MARCHF1: variants seen among roughly 807,000 people sequenced by gnomAD.
MARCHF1 encodes membrane associated ring-CH-type finger 1.
Under a neutral mutation model 54.2 loss-of-function variants are expected in MARCHF1, and 40 were observed. That is an observed-to-expected ratio of 0.74 (90% CI 0.57 to 0.96). The LOEUF is 0.96. Among genes scored for constraint, MARCHF1 ranks in the 40% least tolerant of loss-of-function variants. MARCHF1 has a pLI of 0.00. For missense variants in MARCHF1, 586 were observed against 656.5 expected, an observed-to-expected ratio of 0.89 and a Z score of 1.17; for synonymous variants, 236 against 236.3, an observed-to-expected ratio of 1.00 and a Z score of 0.01.
chr4:164,337,333 A>T (rs1315204128), intron 1 of MARCHF1, among the ~76,000 whole-genome samples: 1 of 152,168 alleles, frequency 6.6e-6, no homozygotes, highest in African/African-American at 2.4e-5. Context: ...GCTAAAAAAT[A>T]ATTCATTTCA....
chr4:163,773,473 C>T (rs1173424384), intron 4 of MARCHF1, among the ~76,000 whole-genome samples: 3 of 152,114 alleles, frequency 2.0e-5, no homozygotes, highest in East Asian at 3.9e-4. Context: ...ATAAGCCACA[C>T]GAAGACAGTT....
chr4:164,030,083 TA>T (rs2110989785), intron 2 of MARCHF1, among the ~76,000 whole-genome samples: 1 of 152,296 alleles, frequency 6.6e-6, no homozygotes, highest in South Asian at 2.1e-4. Context: ...AATATGTAAT[TA>T]ATACATATCT....
At chr4:163,945,628 C>T (rs1442191694) in intron 3 of MARCHF1, among the ~76,000 whole-genome samples, 7 of 152,150 alleles carry the variant, frequency 4.6e-5, no homozygotes, top group African/African-American at 1.7e-4. Flanking sequence ...TTATTATTAG[C>T]AACTCAATAT....
intron 2 of MARCHF1, among the ~76,000 whole-genome samples, chr4:164,035,979 T>C (rs1193313998): frequency 6.8e-6 from 1 of 148,098 alleles, no homozygotes; most frequent in Admixed American, 6.7e-5. Context: ...GGTGTGTACC[T>C]GTAATCCCAG....
At chr4:163,879,804 C>CGT (rs60539215) in intron 3 of MARCHF1, among the ~76,000 whole-genome samples, 49,208 of 148,260 alleles carry the variant, frequency 0.33, 8,559 homozygotes, top group Middle Eastern at 0.51. Flanking sequence ...GATTTAGAGG[C>CGT]GTGTGTGTGT....
chr4:164,329,174 A>G (rs1735360910), intron 1 of MARCHF1, among the ~76,000 whole-genome samples: 1 of 152,216 alleles, frequency 6.6e-6, no homozygotes, highest in African/African-American at 2.4e-5. Flanking sequence ...CATTATCATC[A>G]GAAACTAACA....
intron 2 of MARCHF1, among the ~76,000 whole-genome samples, chr4:164,027,048 G>A (rs1321476457): frequency 6.6e-6 from 1 of 151,730 alleles, no homozygotes; most frequent in African/African-American, 2.4e-5. Flanking sequence ...TCTCTATAAG[G>A]AGAACTAAAA....
At chr4:163,819,045 T>C (rs2111045546) in intron 4 of MARCHF1, among the ~76,000 whole-genome samples, 1 of 152,252 alleles carries the variant, frequency 6.6e-6, no homozygotes, top group South Asian at 2.1e-4. Context: ...ATCATCAGCA[T>C]GGCCTCCATA....
chr4:163,994,986 C>T (rs184073629), intron 2 of MARCHF1, among the ~76,000 whole-genome samples: 34 of 152,120 alleles, frequency 2.2e-4, no homozygotes, highest in African/African-American at 7.9e-4. Flanking sequence ...TTTTTCCCCA[C>T]ATACCAAACA....
chr4:163,714,814 C>A (rs938748889), intron 4 of MARCHF1, among the ~76,000 whole-genome samples: 1 of 152,068 alleles, frequency 6.6e-6, no homozygotes, highest in African/African-American at 2.4e-5. Context: ...GGACTACAGG[C>A]ACATGTCACT....
At chr4:163,912,956 A>G (rs566590021) in intron 3 of MARCHF1, among the ~76,000 whole-genome samples, 1 of 152,354 alleles carries the variant, frequency 6.6e-6, no homozygotes, top group South Asian at 2.1e-4. Context: ...AAAACATGTC[A>G]CAGAAAGGCT....
intron 8 of MARCHF1, among the ~76,000 whole-genome samples, chr4:163,562,128 C>G (rs964494233): frequency 5.9e-5 from 9 of 151,980 alleles, no homozygotes; most frequent in African/African-American, 2.2e-4. Context: ...GAAACCCCGT[C>G]TCTACTAAAA....
At chr4:163,847,006 A>C (rs1011284799) in intron 4 of MARCHF1, among the ~76,000 whole-genome samples, 1 of 152,176 alleles carries the variant, frequency 6.6e-6, no homozygotes, top group Non-Finnish European at 1.5e-5. Flanking sequence ...GGGATTCTAG[A>C]AGAAAAAAAA....
intron 3 of MARCHF1, among the ~76,000 whole-genome samples, chr4:163,979,736 TC>T (rs1303645613): frequency 6.6e-6 from 1 of 152,194 alleles, no homozygotes; most frequent in African/African-American, 2.4e-5. Flanking sequence ...AGATGGTATC[TC>T]ATTGTGATTT....
intron 2 of MARCHF1, among the ~76,000 whole-genome samples, chr4:164,070,905 T>C (rs1754849868): frequency 6.6e-6 from 1 of 152,198 alleles, no homozygotes; most frequent in South Asian, 2.1e-4. Context: ...GCCCTTCTCC[T>C]ACTGTTTGCA....
chr4:164,220,458 T>C (rs1732063771), intron 1 of MARCHF1, among the ~76,000 whole-genome samples: 1 of 146,262 alleles, frequency 6.8e-6, no homozygotes, highest in African/African-American at 2.5e-5. Context: ...CATTAATTCC[T>C]ATATATAGGT....
chr4:164,030,291 A>C (rs1359478378), intron 2 of MARCHF1, among the ~76,000 whole-genome samples: 1 of 152,116 alleles, frequency 6.6e-6, no homozygotes, highest in Non-Finnish European at 1.5e-5. Context: ...AATATTTTAA[A>C]AATTTAGAAA....
At chr4:164,257,997 C>G (rs987875457) in intron 1 of MARCHF1, among the ~76,000 whole-genome samples, 4 of 152,120 alleles carry the variant, frequency 2.6e-5, no homozygotes, top group African/African-American at 7.2e-5. Flanking sequence ...GACTTGGAAC[C>G]AACCCAAATG....
intron 1 of MARCHF1, among the ~76,000 whole-genome samples, chr4:164,332,337 G>T (rs1035681501): frequency 6.6e-6 from 1 of 152,176 alleles, no homozygotes; most frequent in African/African-American, 2.4e-5. Flanking sequence ...TTACAAAAAT[G>T]AGTATTTCAG....
Sources: allele counts gnomAD v4.1 joint callset (sites outside exome capture counted in the v4.1 genomes callset), GRCh38; gene constraint gnomAD v4.1.1; transcripts MANE v1.5; gene names NCBI Gene and HGNC (gene_info 2026-07-23, HGNC 2026-07-21).